Variants in ZNF341 observed in about 807,000 individuals in gnomAD.
The protein encoded by ZNF341 is zinc finger protein 341.
Under a neutral mutation model 87.7 loss-of-function variants are expected in ZNF341, and 52 were observed. The observed-to-expected ratio is 0.59, with a 90% confidence interval of 0.47 to 0.75. The LOEUF is 0.75. Among genes scored for constraint, ZNF341 ranks in the 30% least tolerant of loss-of-function variants. The pLI is 0.00. For synonymous variants in ZNF341, 459 were observed against 472.7 expected (o/e 0.97, Z 0.38); for missense variants, 977 against 1,145.9 (o/e 0.85, Z 2.13).
chr20:33,790,132 T>C (rs1173367553), intron 14 of ZNF341, among the ~76,000 whole-genome samples: 2 of 150,560 alleles, frequency 1.3e-5, no homozygotes, highest in Admixed American at 1.3e-4. Context: ...AGTGCAGTGG[T>C]GTGATCTTGG....
In ZNF341 at chr20:33,741,106, G is replaced by A. The variant is rs988200376; in HGVS notation, c.142+94G>A. The A allele has an allele frequency of 3.4e-5, 41 of 1,203,720 alleles. No individual in the cohort carries two copies. In the African/African-American group the frequency reaches 6.0e-4, roughly 18 times the overall value. The allele number at this position is 1,203,720 out of a possible 1,614,324, so 74.6% of individuals were successfully genotyped here. ...GCTGGGCTGTGGGAGTGAAATGCTT[G>A]CTGTGGTCCCCAGGACATGCTCTGG... On this transcript the variant is annotated intron_variant, in intron 2 of 14. Coordinates refer to ENST00000375200, the MANE Select transcript of ZNF341 (RefSeq NM_001282933.2).
rs540307088 is a variant in ZNF341 at position 33,764,209 on chromosome 20, G to A, written c.1222+2154G>A. On this transcript the variant is annotated intron_variant, in intron 8 of 14. Transcript: ENST00000375200. ...CCGGCTAATTTTTTTTGTATTTTTAGTAGAGAACGGTGTTTCACTGTGTTA... is the reference window on the plus strand; with the variant it reads ...CCGGCTAATTTTTTTTGTATTTTTAATAGAGAACGGTGTTTCACTGTGTTA... Among the ~76,000 whole-genome samples the A allele has an allele frequency of 4.0e-5, 6 of 150,086 alleles. No individual in the cohort carries two copies. The Admixed American group carries it at 4.0e-4, about 10-fold the overall frequency.
chr20:33,748,761 A>G (rs2018992189), intron 3 of ZNF341, among the ~76,000 whole-genome samples, 162 bp from the exon 4 acceptor site: 1 of 152,162 alleles, frequency 6.6e-6, no homozygotes, highest in Non-Finnish European at 1.5e-5. Flanking sequence ...AGAGGTAGAA[A>G]TGGAATCCAC....
At chr20:33,744,430 G>A (rs1320863830) in intron 2 of ZNF341, among the ~76,000 whole-genome samples, 1 of 152,112 alleles carries the variant, frequency 6.6e-6, no homozygotes, top group East Asian at 1.9e-4. Context: ...AAAGGCATGG[G>A]AGGAGTATGA....
At position 33,752,596 on chromosome 20, in the gene ZNF341, G is replaced by A. The variant is rs1172499334; in HGVS notation, c.490-576G>A. ...GCCCTTCTTAAGATAGCAACATTAG[G>A]CTGCTATATTAACTCTTTTCTGCAT... On this transcript the variant is annotated intron_variant, in intron 4 of 14. Coordinates refer to ENST00000375200, the MANE Select transcript of ZNF341 (RefSeq NM_001282933.2). The A allele has an allele frequency of 1.6e-5, 5 of 320,702 alleles. No individual in the cohort carries two copies. The East Asian group carries it at 3.7e-4, about 24-fold the overall frequency. 19.9% of individuals were successfully genotyped at this position (320,702 alleles called of 1,614,324 possible).
At chr20:33,756,866 C>T (rs1422321910) in intron 5 of ZNF341, among the ~76,000 whole-genome samples, 1 of 152,206 alleles carries the variant, frequency 6.6e-6, no homozygotes, top group East Asian at 1.9e-4. Flanking sequence ...GAAACTGAGA[C>T]AGAGAAATTA....
At chr20:33,743,683 A>G (rs557490364) in intron 2 of ZNF341, among the ~76,000 whole-genome samples, 1 of 152,328 alleles carries the variant, frequency 6.6e-6, no homozygotes, top group Non-Finnish European at 1.5e-5. Context: ...AAAGGATACA[A>G]TTAGAATTGA....
rs1296776814 is a variant in ZNF341 at position 33,732,004 on chromosome 20, G to C, written c.-18G>C. On this transcript the variant is annotated 5_prime_UTR_variant, in exon 1 of 15. Coordinates refer to ENST00000375200, the MANE Select transcript of ZNF341 (RefSeq NM_001282933.2). This position sits in a 1 kb window ranked among gnomAD's most constrained non-coding sequence, Gnocchi z 4.5. The stretch of plus-strand genomic sequence containing the variant: ...GCCGGGCTTCGGTTCCTGTGGCGGC[G>C]ACGGCGGCGGCTCCAAGATGGCGCA... 12 of 1,436,010 alleles carry C rather than the reference G, an allele frequency of 8.4e-6. No homozygotes were observed. The highest frequency in any genetic ancestry group is 1.4e-5 in the South Asian group (1 of 73,156). 89.0% of individuals were successfully genotyped at this position (1,436,010 alleles called of 1,614,324 possible). A position where few individuals can be genotyped will look rare whatever the true frequency, so the allele number is the denominator to read the frequency against.
Position 33,789,456 on chromosome 20 carries a change from G to A in ZNF341, c.1965-62G>A, listed in dbSNP as rs553601398. ...GTCCCTTGTGCCCAGGGCTAGTGGA[G>A]GGGCCAGCAAGAGGATCCTAAGCTT... On this transcript the variant is annotated intron_variant, in intron 13 of 14. Coordinates refer to ENST00000375200, the MANE Select transcript of ZNF341 (RefSeq NM_001282933.2). 5.7e-5 allele frequency: 90 copies of A among 1,565,604 alleles called. No individual in the cohort carries two copies. In the East Asian group the frequency reaches 1.8e-3, roughly 32 times the overall value.
chr20:33,789,075 C>A, intron 13 of ZNF341, 101 bp downstream of exon 13: 1 of 820,922 alleles, frequency 1.2e-6, no homozygotes, highest in Non-Finnish European at 1.9e-6. Flanking sequence ...GGGCAGGCCT[C>A]TCCTTTTTTT....
At chr20:33,743,298 G>T (rs1350533074) in intron 2 of ZNF341, among the ~76,000 whole-genome samples, 1 of 148,334 alleles carries the variant, frequency 6.7e-6, no homozygotes, top group Non-Finnish European at 1.5e-5. Context: ...CTCACAAACT[G>T]CTGGGATTAC....
At chr20:33,781,501 A>G (rs1244811674) in intron 11 of ZNF341, 114 bp downstream of exon 11, 1 of 896,738 alleles carries the variant, frequency 1.1e-6, no homozygotes, top group South Asian at 1.5e-5. Context: ...ACACGCAGGC[A>G]GGGCTCAGGG....
At chr20:33,755,472 A>T (rs2019157355) in intron 5 of ZNF341, among the ~76,000 whole-genome samples, 1 of 149,120 alleles carries the variant, frequency 6.7e-6, no homozygotes. Flanking sequence ...AGATTTTATA[A>T]TTTTTTTTGT....
rs751015549 is a variant in ZNF341 at position 33,740,966 on chromosome 20, TCCGACA to T, written c.97_102del (p.Pro33_Thr34del). ...TGGATGGCCAAGGAGCAGTCCCTGA[TCCGACA>T]GGCCAGAGTGTCAATGCGCCCCCTG... On this transcript the variant is annotated inframe_deletion, in exon 2 of 15. Transcript: ENST00000375200. 18 of 1,614,218 alleles carry T rather than the reference TCCGACA, an allele frequency of 1.1e-5. No individual in the cohort carries two copies. Among genetic ancestry groups the T allele is most frequent in the East Asian group, 6.7e-5 (3 of 44,886 alleles).
rs62209612 is a variant in ZNF341, at chr20:33,783,630, G to A, written c.1720-102G>A. The A allele has an allele frequency of 3.3e-6, 5 of 1,527,338 alleles. 1 individual carries two copies. In the South Asian group the frequency reaches 3.4e-5, roughly 10 times the overall value. 94.6% of individuals were successfully genotyped at this position (1,527,338 alleles called of 1,614,324 possible). On this transcript the variant is annotated intron_variant, in intron 11 of 14. Coordinates refer to ENST00000375200, the MANE Select transcript of ZNF341 (RefSeq NM_001282933.2). ...TGGCCCCTGATAGCCAGAAAGGAAG[G>A]TGTCTCTATAGGGGCTGGAAACGAG...
intron 7 of ZNF341, 83 bp downstream of exon 7, chr20:33,758,889 C>T (rs1338104628): frequency 4.0e-6 from 5 of 1,256,286 alleles, no homozygotes; most frequent in Non-Finnish European, 4.6e-6. Flanking sequence ...CCCTTCTCAG[C>T]CCCTAGCCTG....
intron 7 of ZNF341, among the ~76,000 whole-genome samples, chr20:33,760,086 T>C (rs946157201): frequency 3.3e-5 from 5 of 152,214 alleles, no homozygotes; most frequent in African/African-American, 1.2e-4. Flanking sequence ...CGCTGTCCAA[T>C]AGAACTTTCT....
intron 2 of ZNF341, among the ~76,000 whole-genome samples, chr20:33,741,467 G>A (rs1177304273): frequency 1.3e-5 from 2 of 150,654 alleles, no homozygotes; most frequent in African/African-American, 2.4e-5. Flanking sequence ...TGCAGGGCAC[G>A]ATCTTGGCTC....
intron 8 of ZNF341, among the ~76,000 whole-genome samples, chr20:33,764,365 C>A (rs2122691750): frequency 6.7e-6 from 1 of 150,142 alleles, no homozygotes; most frequent in South Asian, 2.1e-4. Flanking sequence ...TCTTTAATGG[C>A]AAAAATAATC....
Sources: gnomAD v4.1 joint callset for allele counts (sites outside exome capture counted in the v4.1 genomes callset) on GRCh38, gnomAD v4.1.1 for gene constraint, Gnocchi (gnomAD v3.1) non-coding constraint, MANE v1.5 for transcripts, NCBI Gene and HGNC (gene_info 2026-07-23, HGNC 2026-07-21) for gene names.